Variants in PRTFDC1 observed in about 807,000 individuals in gnomAD.
The protein encoded by PRTFDC1 is phosphoribosyltransferase domain-containing protein 1.
A neutral mutation model predicts 34.6 loss-of-function variants in PRTFDC1; 38 were observed. The observed-to-expected ratio is 1.10, with a 90% CI of 0.85 to 1.44. PRTFDC1 has a LOEUF of 1.44. PRTFDC1 is among the 40% of genes most tolerant of loss of function. The pLI is 0.00. For missense variants in PRTFDC1, 270 were observed against 283.0 expected, an observed-to-expected ratio of 0.95 and a Z score of 0.33; for synonymous variants, 93 against 98.1, an observed-to-expected ratio of 0.95 and a Z score of 0.31.
At chr10:24,863,518 C>G (rs2132500476) in intron 4 of PRTFDC1, among the ~76,000 whole-genome samples, 1 of 152,302 alleles carries the variant, frequency 6.6e-6, no homozygotes, top group East Asian at 1.9e-4. Flanking sequence ...CCTGCTAACA[C>G]AACATCCATT....
chr10:24,861,478 C>A (rs1847679662), intron 4 of PRTFDC1, among the ~76,000 whole-genome samples: 1 of 151,912 alleles, frequency 6.6e-6, no homozygotes, highest in South Asian at 2.1e-4. Context: ...CCAGCCTGGG[C>A]AACAGAGTAA....
intron 3 of PRTFDC1, among the ~76,000 whole-genome samples, chr10:24,884,818 C>T (rs981636968): frequency 7.2e-5 from 11 of 152,228 alleles, no homozygotes; most frequent in Admixed American, 2.6e-4. Flanking sequence ...CTCAGCAGGA[C>T]GGCCTCCCCA....
intron 4 of PRTFDC1, among the ~76,000 whole-genome samples, chr10:24,870,256 C>T (rs2132509374): frequency 6.6e-6 from 1 of 152,216 alleles, no homozygotes; most frequent in East Asian, 1.9e-4. Flanking sequence ...TACAGGTGTG[C>T]ACCACCATGC....
At chr10:24,854,228 A>ATCC (rs1426772731) in intron 7 of PRTFDC1, among the ~76,000 whole-genome samples, 2 of 152,232 alleles carry the variant, frequency 1.3e-5, no homozygotes, top group Non-Finnish European at 2.9e-5. Context: ...TACACTGAGT[A>ATCC]TCCTGTACTA....
intron 3 of PRTFDC1, among the ~76,000 whole-genome samples, chr10:24,895,264 T>TA (rs1848333674): frequency 6.9e-6 from 1 of 144,166 alleles, no homozygotes; most frequent in Admixed American, 6.9e-5. Flanking sequence ...TTTTTTTTTT[T>TA]TTTTTTGAGA....
intron 1 of PRTFDC1, among the ~76,000 whole-genome samples, chr10:24,949,158 T>G (rs1849297641): frequency 6.6e-6 from 1 of 152,182 alleles, no homozygotes; most frequent in Non-Finnish European, 1.5e-5. Flanking sequence ...GGCACGATCA[T>G]GGCTCACTGC....
At chr10:24,937,442 T>G (rs1291843492) in intron 2 of PRTFDC1, 75 bp from the exon 3 acceptor site, 2 of 1,352,116 alleles carry the variant, frequency 1.5e-6, no homozygotes, top group Non-Finnish European at 2.0e-6. Context: ...AAATGCAAGA[T>G]GTATTGTACG....
At chr10:24,925,632 A>C (rs941829505) in intron 3 of PRTFDC1, among the ~76,000 whole-genome samples, 2 of 152,218 alleles carry the variant, frequency 1.3e-5, no homozygotes, top group African/African-American at 4.8e-5. Flanking sequence ...TAAACGGAGG[A>C]AATGCAGACA....
chr10:24,886,050 A>G (rs1248770010), intron 3 of PRTFDC1, among the ~76,000 whole-genome samples: 6 of 152,212 alleles, frequency 3.9e-5, no homozygotes, highest in Non-Finnish European at 8.8e-5. Context: ...CTTGTATGAT[A>G]CTACTCCAGT....
intron 7 of PRTFDC1, 72 bp from the exon 8 acceptor site, chr10:24,851,536 C>T: frequency 6.4e-7 from 1 of 1,561,092 alleles, no homozygotes; most frequent in African/African-American, 1.4e-5. Flanking sequence ...TCACCATATG[C>T]TGCTGTCGCC....
intron 7 of PRTFDC1, among the ~76,000 whole-genome samples, chr10:24,852,097 G>C (rs1192778966): frequency 6.6e-6 from 1 of 152,122 alleles, no homozygotes; most frequent in Non-Finnish European, 1.5e-5. Flanking sequence ...GGCAGAATGA[G>C]AGGAAATGGA....
intron 3 of PRTFDC1, among the ~76,000 whole-genome samples, chr10:24,935,660 A>G (rs1849038400): frequency 6.6e-6 from 1 of 152,232 alleles, no homozygotes; most frequent in Admixed American, 6.5e-5. Flanking sequence ...TTAGGTGACT[A>G]GTCAGATGAC....
chr10:24,910,922 C>G (rs1447913701), intron 3 of PRTFDC1, among the ~76,000 whole-genome samples: 1 of 150,900 alleles, frequency 6.6e-6, no homozygotes, highest in Non-Finnish European at 1.5e-5. Flanking sequence ...ACCTCCACCT[C>G]CCAGGCTCAA....
At chr10:24,893,008 A>C (rs1342778578) in intron 3 of PRTFDC1, among the ~76,000 whole-genome samples, 1 of 152,334 alleles carries the variant, frequency 6.6e-6, no homozygotes, top group East Asian at 1.9e-4. Context: ...TCCGTAGATA[A>C]GACAATCCAC....
intron 7 of PRTFDC1, among the ~76,000 whole-genome samples, chr10:24,852,297 C>T (rs372645473): frequency 2.6e-5 from 4 of 151,962 alleles, no homozygotes; most frequent in African/African-American, 7.3e-5. Context: ...GGAAGACAGA[C>T]GTGTGCCACC....
intron 7 of PRTFDC1, among the ~76,000 whole-genome samples, chr10:24,853,061 A>T (rs1290525663): frequency 2.6e-5 from 4 of 152,136 alleles, no homozygotes; most frequent in African/African-American, 9.7e-5. Context: ...AGAGTAAGAG[A>T]GGAGAAGCAA....
intron 1 of PRTFDC1, among the ~76,000 whole-genome samples, chr10:24,946,195 ACTCC>A (rs1194326883): frequency 6.6e-6 from 1 of 151,774 alleles, no homozygotes; most frequent in Non-Finnish European, 1.5e-5. Context: ...CATACTCTCC[ACTCC>A]ATGTTCAAGA....
intron 3 of PRTFDC1, among the ~76,000 whole-genome samples, chr10:24,933,201 G>A (rs947553938): frequency 6.6e-6 from 1 of 151,368 alleles, no homozygotes; most frequent in Non-Finnish European, 1.5e-5. Context: ...GTGATCTTGG[G>A]TTAGGCAGAT....
chr10:24,870,359 C>T (rs1269423458), intron 4 of PRTFDC1, among the ~76,000 whole-genome samples: 2 of 152,138 alleles, frequency 1.3e-5, no homozygotes, highest in East Asian at 1.9e-4. Flanking sequence ...CTGCCCATCT[C>T]GGCCTCTGAA....
Sources: allele counts gnomAD v4.1 joint callset (sites outside exome capture counted in the v4.1 genomes callset), GRCh38; gene constraint gnomAD v4.1.1; transcripts MANE v1.5; gene names NCBI Gene and HGNC (gene_info 2026-07-23, HGNC 2026-07-21).